Variants in INF2 observed in about 807,000 individuals in gnomAD.
INF2 encodes inverted formin 2.
INF2 carries 43 observed loss-of-function variants against 123.5 expected under a neutral mutation model. The ratio of observed to expected loss-of-function variants is 0.35; its 90% CI spans 0.27 to 0.45. The LOEUF (loss-of-function observed/expected upper bound fraction) is 0.45, where lower values mean the gene tolerates loss of function less well. Among genes scored for constraint, INF2 ranks in the 20% least tolerant of loss-of-function variants. The probability of loss-of-function intolerance (pLI) is 1.00; values close to 1 mark genes in which losing one functional copy is unlikely to be tolerated. For missense variants in INF2, 1,453 were observed against 1,682.7 expected (o/e 0.86, Z 2.39); for synonymous variants, 851 against 745.0 (o/e 1.14, Z -2.32).
intron 13 of INF2, 23 bp downstream of exon 13, chr14:104,710,211 C>A (rs1309237481): frequency 6.6e-7 from 1 of 1,517,020 alleles, no homozygotes; most frequent in Non-Finnish European, 8.9e-7. Flanking sequence ...AAGCGGGGCA[C>A]GTGTGCAGGA....
chr14:104,706,749 C>G (rs1373539701), intron 6 of INF2, among the ~76,000 whole-genome samples, 161 bp from the exon 7 acceptor site: 1 of 152,138 alleles, frequency 6.6e-6, no homozygotes, highest in Non-Finnish European at 1.5e-5. Flanking sequence ...ACAGGACAGT[C>G]CCACATGTCA....
At chr14:104,704,454 C>G in intron 5 of INF2, 1 of 199,446 alleles carries the variant, frequency 5.0e-6, no homozygotes. Flanking sequence ...CCTATTGGAA[C>G]CGGGCCACGC....
At chr14:104,705,320 G>C (rs983264577) in intron 5 of INF2, among the ~76,000 whole-genome samples, 1 of 152,174 alleles carries the variant, frequency 6.6e-6, no homozygotes, top group Non-Finnish European at 1.5e-5. Flanking sequence ...AGGAGGCTGA[G>C]GCAGGACAAT....
upstream of INF2, chr14:104,689,354 G>A: frequency 1.4e-6 from 1 of 736,154 alleles, no homozygotes; most frequent in Non-Finnish European, 1.7e-6. Context: ...GCGGGAGACG[G>A]CCCCGATCTG....
intron 1 of INF2, among the ~76,000 whole-genome samples, chr14:104,683,544 G>A (rs1888584632): frequency 1.3e-5 from 2 of 152,054 alleles, no homozygotes. Flanking sequence ...AGGGCAGACA[G>A]TCGCAGTGGT....
chr14:104,681,537 T>A, exon 1 of INF2: 1 of 1,288,390 alleles, frequency 7.8e-7, no homozygotes, highest in Non-Finnish European at 1.0e-6. Flanking sequence ...CCACGTCTTA[T>A]GAAATTAGCA....
intron 15 of INF2, 50 bp from the exon 16 acceptor site, chr14:104,711,579 A>G: frequency 1.3e-6 from 2 of 1,516,904 alleles, no homozygotes; most frequent in Non-Finnish European, 1.8e-6. Context: ...GGTCATCCCC[A>G]GGTGGAGAGT....
chr14:104,710,608 T>C (rs954370275), intron 13 of INF2: 1 of 504,726 alleles, frequency 2.0e-6, no homozygotes, highest in African/African-American at 1.9e-5. Context: ...CACCCTCACA[T>C]ACATGTACAG....
intron 17 of INF2, 21 bp from the exon 18 acceptor site, chr14:104,712,807 G>C (rs1487108953): frequency 3.1e-6 from 5 of 1,599,202 alleles, no homozygotes; most frequent in Non-Finnish European, 3.4e-6. Flanking sequence ...TCACGGGACT[G>C]TCACGTGCCC....
intron 1 of INF2, among the ~76,000 whole-genome samples, chr14:104,682,547 G>A (rs1241328122): frequency 6.6e-6 from 1 of 152,178 alleles, no homozygotes; most frequent in Non-Finnish European, 1.5e-5. Flanking sequence ...AGCACCCCTG[G>A]AGGCGTGGGG....
At chr14:104,704,116 C>G in intron 5 of INF2, 167 bp downstream of exon 5, 1 of 1,475,654 alleles carries the variant, frequency 6.8e-7, no homozygotes, top group Non-Finnish European at 9.0e-7. Flanking sequence ...AGGTCTCAGG[C>G]TAGAATCCAG....
chr14:104,711,743 C>T, intron 16 of INF2, 44 bp downstream of exon 16: 1 of 1,579,064 alleles, frequency 6.3e-7, no homozygotes, highest in South Asian at 1.1e-5. Flanking sequence ...CAGGTGGGGG[C>T]CTGACTTCTG....
chr14:104,715,721 C>A, intron 22 of INF2: 1 of 521,604 alleles, frequency 1.9e-6, no homozygotes, highest in Admixed American at 2.3e-5. Context: ...GGTGTCCTGG[C>A]GCTAACTGCA....
chr14:104,687,003 T>C (rs1158529137), upstream of INF2, among the ~76,000 whole-genome samples: 1 of 152,204 alleles, frequency 6.6e-6, no homozygotes, highest in Non-Finnish European at 1.5e-5. The surrounding 1 kb of genome is among the most constrained non-coding windows in gnomAD (Gnocchi z 5.6). Flanking sequence ...CCTGGGTGTG[T>C]CACAGTACCA....
chr14:104,689,614 G>GC, upstream of INF2: 6 of 403,608 alleles, frequency 1.5e-5, no homozygotes, highest in Non-Finnish European at 2.0e-5. Flanking sequence ...CCCGCCCCGC[G>GC]CCCGCCAGGA....
intron 21 of INF2, 66 bp downstream of exon 21, chr14:104,714,922 C>T: frequency 1.4e-6 from 2 of 1,438,440 alleles, no homozygotes; most frequent in Non-Finnish European, 1.8e-6. Flanking sequence ...CGGTCCCTCC[C>T]CTTCCCCATT....
intron 8 of INF2, 173 bp from the exon 9 acceptor site, chr14:104,708,263 C>T (rs1889878734): frequency 1.1e-6 from 1 of 922,568 alleles, no homozygotes; most frequent in East Asian, 2.6e-5. Context: ...CCCTGGGGCC[C>T]TGCTACAGGT....
chr14:104,713,423 C>T (rs1450362371), intron 19 of INF2, 22 bp from the exon 20 acceptor site: 1 of 1,605,454 alleles, frequency 6.2e-7, no homozygotes, highest in Non-Finnish European at 8.5e-7. Flanking sequence ...ATGCCGCTCT[C>T]TGAGTGCCCC....
chr14:104,713,334 G>GA lies in INF2; in HGVS notation c.2878+26dup, dbSNP rs1566785559. On this transcript the variant is annotated intron_variant, in intron 19 of 22. Coordinates refer to ENST00000392634, the MANE Select transcript of INF2 (RefSeq NM_022489.4). ...GGTGAGGCTGGGCCGGCTGGGCGGG[G>GA]AGGGGGTGACTCTGGGATCCTTGTC... 23 of 1,551,698 alleles carry GA rather than the reference G, an allele frequency of 1.5e-5. No homozygotes were observed. The South Asian group carries it at 2.7e-4, about 18-fold the overall frequency.
Sources: gnomAD v4.1 joint callset for allele counts (sites outside exome capture counted in the v4.1 genomes callset) on GRCh38, gnomAD v4.1.1 for gene constraint, Gnocchi (gnomAD v3.1) non-coding constraint, MANE v1.5 for transcripts, NCBI Gene and HGNC (gene_info 2026-07-23, HGNC 2026-07-21) for gene names.